Variants in NUP153 observed in about 807,000 individuals in gnomAD.
The protein encoded by NUP153 is nucleoporin 153, also known as nuclear pore complex protein Nup153.
NUP153 carries 27 observed loss-of-function variants against 134.6 expected under a neutral mutation model. The ratio of observed to expected loss-of-function variants is 0.20; its 90% CI spans 0.15 to 0.28. NUP153 has a LOEUF of 0.28. Ranked by LOEUF, NUP153 falls within the 10% of genes least tolerant of loss-of-function variation. The probability of loss-of-function intolerance (pLI) is 1.00; values close to 1 mark genes in which losing one functional copy is unlikely to be tolerated. For synonymous variants in NUP153, 640 were observed against 623.5 expected, an observed-to-expected ratio of 1.03 and a Z score of -0.40; for missense variants, 1,821 against 1,731.3, an observed-to-expected ratio of 1.05 and a Z score of -0.92.
intron 1 of NUP153, among the ~76,000 whole-genome samples, chr6:17,701,833 G>A (rs563649052): frequency 2.0e-5 from 1 of 48,958 alleles, no homozygotes; most frequent in Non-Finnish European, 5.1e-5. Flanking sequence ...ACTCTGTCTC[G>A]GGGGGGGGGG....
intron 5 of NUP153, among the ~76,000 whole-genome samples, 179 bp downstream of exon 5, chr6:17,674,726 T>C (rs575747124): frequency 9.9e-5 from 15 of 152,024 alleles, no homozygotes; most frequent in African/African-American, 3.1e-4. Context: ...GGTCCGAGAT[T>C]GTGCCACCGC....
intron 20 of NUP153, among the ~76,000 whole-genome samples, chr6:17,623,429 A>T (rs1178884832): frequency 1.3e-5 from 2 of 152,088 alleles, no homozygotes; most frequent in Non-Finnish European, 2.9e-5. Flanking sequence ...CACATATAAG[A>T]ACTCATACAA....
chr6:17,665,148 C>T, intron 9 of NUP153, 91 bp downstream of exon 9: 1 of 921,032 alleles, frequency 1.1e-6, no homozygotes, highest in Non-Finnish European at 1.6e-6. Context: ...TATACAGTTG[C>T]TAGAATACAA....
chr6:17,646,190 C>T, intron 13 of NUP153, 36 bp from the exon 14 acceptor site: 1 of 1,097,106 alleles, frequency 9.1e-7, no homozygotes, highest in African/African-American at 1.6e-5. Flanking sequence ...ACTTCGTTTT[C>T]AATAAGTATC....
intron 5 of NUP153, among the ~76,000 whole-genome samples, chr6:17,670,900 TC>T (rs1465719797): frequency 6.6e-6 from 1 of 152,114 alleles, no homozygotes; most frequent in East Asian, 1.9e-4. Flanking sequence ...AACCTCCGCC[TC>T]CCAGGTTCAA....
chr6:17,634,664 T>C (rs903830954), intron 16 of NUP153, among the ~76,000 whole-genome samples: 2 of 152,212 alleles, frequency 1.3e-5, no homozygotes, highest in Non-Finnish European at 2.9e-5. Context: ...CTCAAACTCC[T>C]GACCTCAGGT....
Position 17,625,214 on chromosome 6 carries a change from T to C in NUP153, c.3902-381A>G, listed in dbSNP as rs545255372. On this transcript the variant is annotated intron_variant, in intron 19 of 21. Transcript: ENST00000262077. The surrounding 1 kb of genome is among the most constrained non-coding windows in gnomAD (Gnocchi z 4.7). Reference sequence around the variant, plus strand: ...ATGTTTAATAAAACAACTTCCAGTGTCTGGTTACTGACAACCTAACATTTT... The same window carrying C: ...ATGTTTAATAAAACAACTTCCAGTGCCTGGTTACTGACAACCTAACATTTT... Among the ~76,000 whole-genome samples, 1 of 152,308 alleles carries C rather than the reference T, an allele frequency of 6.6e-6. No individual in the cohort carries two copies. The highest frequency in any genetic ancestry group is 2.1e-4 in the South Asian group (1 of 4,822).
intron 20 of NUP153, among the ~76,000 whole-genome samples, chr6:17,621,134 T>C (rs1764622694): frequency 1.3e-5 from 2 of 152,278 alleles, no homozygotes; most frequent in Middle Eastern, 3.4e-3. Context: ...ATCACTATCA[T>C]AAGGGAAATG....
In NUP153 at chr6:17,649,165, T is replaced by C. The variant is rs745954125; in HGVS notation, c.1531A>G (p.Lys511Glu). 19 of 1,610,940 alleles carry C rather than the reference T, an allele frequency of 1.2e-5. No homozygotes were observed. Among genetic ancestry groups the C allele is most frequent in the Non-Finnish European group, 1.5e-5 (18 of 1,179,080 alleles). Residue 511 changes from lysine to glutamate, a missense_variant and splice_region_variant, in exon 12 of 22, where the codon AAG becomes GAG. Transcript: ENST00000262077. ...PINSSQALTN[K>E]VQMTSPSSTG... ...GTATTTATATAATGGTTTTGTACCT[T>C]GTTTGTTAATGCTTGAGACGAATTG...
chr6:17,640,523 T>C (rs1015050170), intron 14 of NUP153, among the ~76,000 whole-genome samples: 1 of 152,234 alleles, frequency 6.6e-6, no homozygotes, highest in Non-Finnish European at 1.5e-5. Flanking sequence ...AGTTATAATA[T>C]TGAAAACCTA....
At position 17,637,309 on chromosome 6, in the gene NUP153, T is replaced by C. The variant is rs368887128; in HGVS notation, c.2308A>G (p.Met770Val). The stretch of plus-strand genomic sequence containing the variant: ...GTGCAGCTGGAAGATGAAGCAGTCA[T>C]AGTCTCAGCACTTTCCGAAACCACT... ...LTVVSESAET[M>V]TASSSSCTVT... is the part of the protein sequence containing the mutation. Residue 770 changes from methionine to valine, a missense_variant, in exon 16 of 22, where the codon ATG becomes GTG. By Grantham distance (21) the Met-to-Val change is conservative. Coordinates refer to ENST00000262077, the MANE Select transcript of NUP153 (RefSeq NM_005124.4). 20 of 1,614,090 alleles carry C rather than the reference T, an allele frequency of 1.2e-5. No homozygotes were observed. Among genetic ancestry groups the C allele is most frequent in the Non-Finnish European group, 1.7e-5 (20 of 1,180,048 alleles).
At chr6:17,651,511 G>A (rs577908189) in intron 11 of NUP153, among the ~76,000 whole-genome samples, 28 of 152,142 alleles carry the variant, frequency 1.8e-4, no homozygotes, top group African/African-American at 6.3e-4. Flanking sequence ...AAAATGGACA[G>A]AAAGGCAAAA....
At position 17,706,003 on chromosome 6, in the gene NUP153, T is replaced by C. The variant is rs566182498; in HGVS notation, c.111+274A>G. Reference sequence around the variant, plus strand: ...ACGCGCGCATCATGGGCCTACAATTTCTTTTCCCGCCCAGAGCCTGCCTGG... The same window carrying C: ...ACGCGCGCATCATGGGCCTACAATTCCTTTTCCCGCCCAGAGCCTGCCTGG... On this transcript the variant is annotated intron_variant, in intron 1 of 21. Coordinates refer to ENST00000262077, the MANE Select transcript of NUP153 (RefSeq NM_005124.4). The surrounding 1 kb of genome is among the most constrained non-coding windows in gnomAD (Gnocchi z 5.9). 2.0e-5 allele frequency among the ~76,000 whole-genome samples: 3 copies of C among 152,184 alleles called. No individual in the cohort carries two copies. The South Asian group carries it at 6.2e-4, about 32-fold the overall frequency.
intron 2 of NUP153, among the ~76,000 whole-genome samples, chr6:17,682,061 A>G (rs965411161): frequency 9.9e-5 from 15 of 152,090 alleles, no homozygotes; most frequent in African/African-American, 3.1e-4. Flanking sequence ...TTTTTAAAAC[A>G]TAGCTAGGCA....
intron 1 of NUP153, among the ~76,000 whole-genome samples, chr6:17,705,398 C>T (rs1213719180): frequency 5.9e-5 from 9 of 152,106 alleles, no homozygotes; most frequent in Admixed American, 5.2e-4. Flanking sequence ...TTTTAAACAT[C>T]CAGGAGTTCA....
chr6:17,656,739 T>C (rs1206447240), intron 11 of NUP153, among the ~76,000 whole-genome samples: 7 of 152,124 alleles, frequency 4.6e-5, no homozygotes, highest in Non-Finnish European at 7.4e-5. Context: ...AGGTAGTATG[T>C]TTATTAGGAA....
chr6:17,665,192 T>A (rs1345560609), intron 9 of NUP153, 47 bp downstream of exon 9: 3 of 1,422,640 alleles, frequency 2.1e-6, no homozygotes, highest in Non-Finnish European at 9.8e-7. Flanking sequence ...TAGTCTTACT[T>A]ATTCTAATCA....
intron 14 of NUP153, among the ~76,000 whole-genome samples, chr6:17,641,622 G>A (rs1765845251): frequency 6.6e-6 from 1 of 152,216 alleles, no homozygotes; most frequent in African/African-American, 2.4e-5. Context: ...GGGAGGCTGA[G>A]GCAGGCAGAT....
intron 2 of NUP153, among the ~76,000 whole-genome samples, chr6:17,688,010 T>C (rs1769039268): frequency 6.6e-6 from 1 of 151,784 alleles, no homozygotes; most frequent in South Asian, 2.1e-4. Flanking sequence ...TCCCAGCTAC[T>C]TGGGAGGCTG....
Sources: allele counts gnomAD v4.1 joint callset (sites outside exome capture counted in the v4.1 genomes callset), GRCh38; gene constraint gnomAD v4.1.1; non-coding constraint Gnocchi (gnomAD v3.1); transcripts MANE v1.5; gene names NCBI Gene and HGNC (gene_info 2026-07-23, HGNC 2026-07-21).